The following ARHGAP12 variants were observed in gnomAD, a reference collection of about 807,000 sequenced individuals.
ARHGAP12 encodes the protein Rho GTPase activating protein 12.
A neutral mutation model predicts 108.6 loss-of-function variants in ARHGAP12; 64 were observed. That is an observed-to-expected ratio of 0.59 (90% CI 0.48 to 0.73). The LOEUF is 0.73. Among genes scored for constraint, ARHGAP12 ranks in the 30% least tolerant of loss-of-function variants. The pLI is 0.00. For synonymous variants in ARHGAP12, 312 were observed against 337.2 expected (o/e 0.93, Z 0.82); for missense variants, 940 against 1,005.9 (o/e 0.93, Z 0.89).
chr10:31,889,399 G>A (rs980832396), intron 3 of ARHGAP12, among the ~76,000 whole-genome samples: 6 of 152,012 alleles, frequency 3.9e-5, no homozygotes, highest in African/African-American at 9.7e-5. Context: ...TTCAGTTTCT[G>A]TGCAAAAAAG....
At chr10:31,818,145 C>T (rs901853264) in intron 12 of ARHGAP12, among the ~76,000 whole-genome samples, 15 of 152,124 alleles carry the variant, frequency 9.9e-5, no homozygotes, top group Non-Finnish European at 2.1e-4. Context: ...TCCCAAACAC[C>T]ATCACACAAA....
chr10:31,820,913 C>T (rs190309150), intron 11 of ARHGAP12, among the ~76,000 whole-genome samples: 1 of 151,948 alleles, frequency 6.6e-6, no homozygotes, highest in South Asian at 2.1e-4. Context: ...TGCATGTATA[C>T]TTTGGCTTGG....
intron 3 of ARHGAP12, among the ~76,000 whole-genome samples, chr10:31,889,854 G>C (rs1294630738): frequency 6.6e-6 from 1 of 151,134 alleles, no homozygotes; most frequent in Non-Finnish European, 1.5e-5. Context: ...AAAGTGGTGG[G>C]ATTACAGGCA....
At chr10:31,896,308 GA>G (rs758692591) in intron 3 of ARHGAP12, among the ~76,000 whole-genome samples, 10,569 of 94,688 alleles carry the variant, frequency 0.11, 1,193 homozygotes, top group African/African-American at 0.31. Context: ...TTTTTACTTT[GA>G]AAAAAAAAAA....
At chr10:31,898,135 A>T (rs1450889645) in intron 3 of ARHGAP12, among the ~76,000 whole-genome samples, 5 of 152,132 alleles carry the variant, frequency 3.3e-5, no homozygotes, top group African/African-American at 9.7e-5. Context: ...ACAACTACAG[A>T]ATGGGAGAGG....
intron 13 of ARHGAP12, among the ~76,000 whole-genome samples, chr10:31,814,951 C>T (rs928286675): frequency 6.6e-6 from 1 of 151,856 alleles, no homozygotes; most frequent in Admixed American, 6.6e-5. Context: ...AACCCCCTGC[C>T]TCTACTAAAA....
rs398013156 is a variant in ARHGAP12 at position 31,852,729 on chromosome 10, CTTTTTTTTTTTTTTTT to C, written c.1090-148_1090-133del. 2.8e-4 allele frequency: 64 copies of C among 230,362 alleles called. No individual in the cohort carries two copies. In the Middle Eastern group the frequency reaches 9.3e-3, roughly 33 times the overall value. The allele number at this position is 230,362 out of a possible 1,614,324, so 14.3% of individuals were successfully genotyped here. A position where few individuals can be genotyped will look rare whatever the true frequency, so the allele number is the denominator to read the frequency against. On this transcript the variant is annotated intron_variant, in intron 5 of 19. Transcript: ENST00000344936. Reference sequence around the variant, plus strand: ...ATCAAGAACATTGCAACAAAAAATTCTTTTTTTTTTTTTTTTTTTTTTTGAGAGCCCAGGCTGGAGT... The same window carrying C: ...ATCAAGAACATTGCAACAAAAAATTCTTTTTTTGAGAGCCCAGGCTGGAGT...
intron 3 of ARHGAP12, among the ~76,000 whole-genome samples, chr10:31,881,915 GTTT>G (rs886188365): frequency 7.4e-6 from 1 of 136,016 alleles, no homozygotes; most frequent in African/African-American, 2.7e-5. Flanking sequence ...TTGTTTAGAT[GTTT>G]TTTTTTTTTT....
chr10:31,892,363 C>G (rs1300816054), intron 3 of ARHGAP12, among the ~76,000 whole-genome samples: 1 of 152,070 alleles, frequency 6.6e-6, no homozygotes, highest in Non-Finnish European at 1.5e-5. Flanking sequence ...ATTCAGGAGA[C>G]CCAACTCACG....
chr10:31,832,259 GTGTC>G (rs948756735), intron 9 of ARHGAP12, among the ~76,000 whole-genome samples: 3 of 152,232 alleles, frequency 2.0e-5, no homozygotes, highest in African/African-American at 7.2e-5. Flanking sequence ...ACCAAATACT[GTGTC>G]TGTATTTAAT....
chr10:31,831,980 T>A (rs1003162390), intron 9 of ARHGAP12, among the ~76,000 whole-genome samples, 180 bp from the exon 10 acceptor site: 60 of 152,308 alleles, frequency 3.9e-4, no homozygotes, highest in African/African-American at 1.4e-3. Context: ...AATACTTTTG[T>A]AGTTTTTTCT....
intron 1 of ARHGAP12, among the ~76,000 whole-genome samples, chr10:31,920,139 C>G (rs1263884853): frequency 6.8e-6 from 1 of 147,856 alleles, no homozygotes; most frequent in Admixed American, 6.8e-5. Context: ...AAAAAGCAAA[C>G]AAACATTCAA....
At chr10:31,846,860 C>T (rs1389203904) in intron 6 of ARHGAP12, among the ~76,000 whole-genome samples, 2 of 148,942 alleles carry the variant, frequency 1.3e-5, no homozygotes, top group Non-Finnish European at 3.0e-5. Flanking sequence ...GGAAGGTTAG[C>T]TCTTTCGTAT....
At chr10:31,851,701 C>T (rs977891826) in intron 6 of ARHGAP12, among the ~76,000 whole-genome samples, 66 of 152,238 alleles carry the variant, frequency 4.3e-4, no homozygotes, top group African/African-American at 1.4e-3. Context: ...ACTAGATTAG[C>T]GTTTCCGAAC....
rs143640308 is a variant in ARHGAP12 at position 31,842,304 on chromosome 10, G to T, written c.1296+1157C>A. Among the ~76,000 whole-genome samples the T allele has an allele frequency of 7.9e-4, 120 of 152,114 alleles. 1 individual carries two copies. In the East Asian group the frequency reaches 0.02, roughly 25 times the overall value. The stretch of plus-strand genomic sequence containing the variant: ...ATTGTAATCTGGTTCTTGGTTGAGT[G>T]AATTTTTCCTATTAGAAATCTCTAG... On this transcript the variant is annotated intron_variant, in intron 7 of 19. Coordinates refer to ENST00000344936, the MANE Select transcript of ARHGAP12 (RefSeq NM_018287.7).
At chr10:31,844,601 A>G (rs1836382919) in intron 6 of ARHGAP12, among the ~76,000 whole-genome samples, 3 of 151,980 alleles carry the variant, frequency 2.0e-5, no homozygotes, top group Non-Finnish European at 4.4e-5. Context: ...TGGCATGATC[A>G]GAGCTCACTG....
chr10:31,908,492 A>G lies in ARHGAP12; in HGVS notation c.364T>C (p.Ser122Pro). The change falls in exon 3 of 20, where the codon TCT (serine) becomes CCT (proline). Residue 122 changes from serine to proline, a missense_variant. Transcript: ENST00000344936. ...CGAATAAGACCTGTTCCTTGAACAG[A>G]TGACGATGGCTTTCCGAAACTTGAA... The part of the protein sequence containing the change: ...ELSSFGKPSS[S>P]VQGTGLIRDA... 1 of 1,614,240 alleles carries G rather than the reference A, an allele frequency of 6.2e-7. No individual in the cohort carries two copies. The highest frequency in any genetic ancestry group is 8.5e-7 in the Non-Finnish European group (1 of 1,180,048).
At chr10:31,895,708 A>G (rs1838653705) in intron 3 of ARHGAP12, among the ~76,000 whole-genome samples, 1 of 152,234 alleles carries the variant, frequency 6.6e-6, no homozygotes, top group South Asian at 2.1e-4. Context: ...AGAACTAGAA[A>G]TACCATTTGA....
At chr10:31,870,151 A>G (rs1054227148) in intron 3 of ARHGAP12, among the ~76,000 whole-genome samples, 8 of 152,104 alleles carry the variant, frequency 5.3e-5, no homozygotes, top group African/African-American at 1.9e-4. Context: ...TCCTATTTTA[A>G]ATCATATACA....
Sources: allele counts gnomAD v4.1 joint callset (sites outside exome capture counted in the v4.1 genomes callset), GRCh38; gene constraint gnomAD v4.1.1; transcripts MANE v1.5; gene names NCBI Gene and HGNC (gene_info 2026-07-23, HGNC 2026-07-21).